The following AFF3 variants were observed in gnomAD, a reference collection of about 807,000 sequenced individuals.
AFF3 encodes the protein ALF transcription elongation factor 3, also known as AF4/FMR2 family member 3.
In AFF3, 32 loss-of-function variants were observed where a neutral mutation model predicts 129.7. The observed-to-expected ratio is 0.25, with a 90% confidence interval of 0.19 to 0.33. The LOEUF (loss-of-function observed/expected upper bound fraction) is 0.33, where lower values mean the gene tolerates loss of function less well. AFF3 is among the 10% of genes least tolerant of loss of function. The pLI is 1.00. For missense variants in AFF3, 1,373 were observed against 1,592.0 expected, an observed-to-expected ratio of 0.86 and a Z score of 2.34; for synonymous variants, 644 against 635.4, an observed-to-expected ratio of 1.01 and a Z score of -0.20.
chr2:99,872,207 CAAAAAAAAAAAAA>C (rs397871895), intron 7 of AFF3, among the ~76,000 whole-genome samples: 1 of 61,782 alleles, frequency 1.6e-5, no homozygotes, highest in Non-Finnish European at 2.9e-5. Context: ...GACTCCATCT[CAAAAAAAAAAAAA>C]AAAAAAAAAA....
intron 7 of AFF3, among the ~76,000 whole-genome samples, chr2:99,909,136 AC>A (rs1276037473): frequency 6.6e-6 from 1 of 152,116 alleles, no homozygotes. Context: ...GCACATATAC[AC>A]CATGAAATAG....
intron 4 of AFF3, among the ~76,000 whole-genome samples, chr2:100,053,037 A>G (rs1004019639): frequency 6.6e-6 from 1 of 152,228 alleles, no homozygotes. Flanking sequence ...TGATCCTGAG[A>G]GTTTACTCTG....
chr2:99,917,988 G>GCC (rs1306999539), intron 7 of AFF3, among the ~76,000 whole-genome samples: 2 of 152,062 alleles, frequency 1.3e-5, no homozygotes, highest in African/African-American at 4.8e-5. Flanking sequence ...GGCCTGAATG[G>GCC]TAATATGCTA....
chr2:99,707,714 C>A (rs950807333), intron 11 of AFF3: 2 of 745,072 alleles, frequency 2.7e-6, no homozygotes, highest in African/African-American at 5.0e-5. Flanking sequence ...TTTTTTTTTT[C>A]TTTTTTTGGC....
At chr2:99,973,107 A>T (rs1467663291) in intron 7 of AFF3, among the ~76,000 whole-genome samples, 4 of 152,188 alleles carry the variant, frequency 2.6e-5, no homozygotes, top group African/African-American at 4.8e-5. Flanking sequence ...TCCCTGGTTT[A>T]CCTTGTGTCA....
chr2:99,737,314 C>A (rs975324447), intron 10 of AFF3, among the ~76,000 whole-genome samples: 4 of 152,100 alleles, frequency 2.6e-5, no homozygotes, highest in African/African-American at 9.7e-5. Flanking sequence ...TATTTACTTT[C>A]ACTGCATTTA....
chr2:99,844,530 C>T (rs13411370), intron 7 of AFF3, among the ~76,000 whole-genome samples: 232 of 149,800 alleles, frequency 1.5e-3, no homozygotes, highest in African/African-American at 5.3e-3. Context: ...CTCTGCCTCC[C>T]GGGTTCAAGT....
intron 4 of AFF3, among the ~76,000 whole-genome samples, chr2:100,048,357 T>C (rs1404974447): frequency 6.6e-6 from 1 of 152,256 alleles, no homozygotes; most frequent in Non-Finnish European, 1.5e-5. Flanking sequence ...ACACCTGTTA[T>C]CACAAGCTTC....
intron 4 of AFF3, among the ~76,000 whole-genome samples, chr2:100,020,160 C>T (rs1683467898): frequency 6.6e-6 from 1 of 152,128 alleles, no homozygotes; most frequent in African/African-American, 2.4e-5. Flanking sequence ...TCAACTTCCT[C>T]ATGGGGCAAT....
At chr2:99,704,257 C>T (rs1357501949) in intron 11 of AFF3, among the ~76,000 whole-genome samples, 1 of 152,120 alleles carries the variant, frequency 6.6e-6, no homozygotes, top group Non-Finnish European at 1.5e-5. Flanking sequence ...TGGGCTTTTA[C>T]CATTTTCTTT....
At chr2:99,718,823 C>T (rs1431837732) in intron 11 of AFF3, among the ~76,000 whole-genome samples, 3 of 151,584 alleles carry the variant, frequency 2.0e-5, no homozygotes, top group African/African-American at 4.8e-5. Context: ...CGATCTCAGC[C>T]CACTGCAAGC....
At chr2:99,819,187 C>A (rs1173325270) in intron 8 of AFF3, among the ~76,000 whole-genome samples, 1 of 152,186 alleles carries the variant, frequency 6.6e-6, no homozygotes, top group Non-Finnish European at 1.5e-5. Flanking sequence ...TATTGCTTTT[C>A]AATTAAATCC....
rs143144737 is a variant in AFF3, at chr2:100,107,314, G to A, written c.-144-1731C>T. 1.6e-5 allele frequency: 16 copies of A among 985,292 alleles called. No homozygotes were observed. The African/African-American group carries it at 2.6e-4, about 16-fold the overall frequency. 61.0% of individuals were successfully genotyped at this position (985,292 alleles called of 1,614,324 possible). A position where few individuals can be genotyped will look rare whatever the true frequency, so the allele number is the denominator to read the frequency against. On this transcript the variant is annotated intron_variant, in intron 2 of 24. Transcript: ENST00000672756. ...TATTATTTATCTGGTTTATGAAGAT[G>A]TTCCTATTATCCTCCAGCCTCTGGG...
chr2:99,971,223 T>C (rs1292186326), intron 7 of AFF3, among the ~76,000 whole-genome samples: 1 of 152,302 alleles, frequency 6.6e-6, no homozygotes, highest in African/African-American at 2.4e-5. Flanking sequence ...GTCCAGTTCC[T>C]CTTTCCTCAC....
intron 4 of AFF3, among the ~76,000 whole-genome samples, chr2:100,085,888 A>G (rs1689383094): frequency 1.3e-5 from 2 of 151,982 alleles, no homozygotes; most frequent in Middle Eastern, 3.4e-3. Context: ...AAGGAGCTCA[A>G]TAAACTTGTG....
chr2:99,713,036 C>T (rs910575405), intron 11 of AFF3, among the ~76,000 whole-genome samples: 2 of 151,998 alleles, frequency 1.3e-5, no homozygotes, highest in Non-Finnish European at 2.9e-5. Flanking sequence ...CCAGAGTAGT[C>T]AAATGTAAAG....
At chr2:99,925,137 C>T (rs369090881) in intron 7 of AFF3, among the ~76,000 whole-genome samples, 83 of 152,226 alleles carry the variant, frequency 5.5e-4, no homozygotes, top group African/African-American at 2.0e-3. Flanking sequence ...CTCAGACTCC[C>T]AAAGTGCTGG....
At chr2:100,114,219 C>T (rs2105537430) in intron 2 of AFF3, among the ~76,000 whole-genome samples, 1 of 152,294 alleles carries the variant, frequency 6.6e-6, no homozygotes, top group South Asian at 2.1e-4. Flanking sequence ...AAACCCCTTC[C>T]CTCTGCACAG....
chr2:99,873,370 G>A (rs1337914161), intron 7 of AFF3, among the ~76,000 whole-genome samples: 1 of 152,118 alleles, frequency 6.6e-6, no homozygotes, highest in Non-Finnish European at 1.5e-5. Context: ...TCTATCTAAT[G>A]TATTATCAAC....
Sources: allele counts gnomAD v4.1 joint callset (sites outside exome capture counted in the v4.1 genomes callset), GRCh38; gene constraint gnomAD v4.1.1; transcripts MANE v1.5; gene names NCBI Gene and HGNC (gene_info 2026-07-23, HGNC 2026-07-21).